SF3B1: variants seen among roughly 807,000 people sequenced by gnomAD.
The protein encoded by SF3B1 is splicing factor 3b subunit 1, also known as pre-mRNA processing 10.
In SF3B1, 12 loss-of-function variants were observed where a neutral mutation model predicts 153.8. That is an observed-to-expected ratio of 0.08 (90% CI 0.05 to 0.13). The LOEUF (loss-of-function observed/expected upper bound fraction) is 0.13, where lower values mean the gene tolerates loss of function less well. Ranked by LOEUF, SF3B1 falls within the 10% of genes least tolerant of loss-of-function variation. The pLI, the probability that SF3B1 is intolerant of heterozygous loss-of-function variation, is 1.00. For synonymous variants in SF3B1, 498 were observed against 525.2 expected, an observed-to-expected ratio of 0.95 and a Z score of 0.71; for missense variants, 513 against 1,606.1, an observed-to-expected ratio of 0.32 and a Z score of 11.63.
chr2:197,425,419 T>C (rs1430912237), intron 1 of SF3B1, among the ~76,000 whole-genome samples: 1 of 152,106 alleles, frequency 6.6e-6, no homozygotes, highest in African/African-American at 2.4e-5. Flanking sequence ...TAAGTCGAGA[T>C]CACGCCATTG....
rs1458325867 is a variant in SF3B1, at chr2:197,400,670, C to T, written c.2718+45G>A. 5 of 1,400,546 alleles carry T rather than the reference C, an allele frequency of 3.6e-6. No individual in the cohort carries two copies. Among genetic ancestry groups the T allele is most frequent in the East Asian group, 2.3e-5 (1 of 43,674 alleles). 86.8% of individuals were successfully genotyped at this position (1,400,546 alleles called of 1,614,324 possible). ...GCTTGACAACTAATATGCTTTTCTACAAATATTAAAGTTAGTAGCAATGTG... is the reference window on the plus strand; with the variant it reads ...GCTTGACAACTAATATGCTTTTCTATAAATATTAAAGTTAGTAGCAATGTG... On this transcript the variant is annotated intron_variant, in intron 18 of 24. Transcript: ENST00000335508. The surrounding 1 kb of genome is among the most constrained non-coding windows in gnomAD (Gnocchi z 5.0).
At chr2:197,422,926 T>A (rs577748286) in intron 2 of SF3B1, among the ~76,000 whole-genome samples, 83 of 151,850 alleles carry the variant, frequency 5.5e-4, no homozygotes, top group African/African-American at 1.8e-3. Context: ...TAAAATAAAA[T>A]TTATCTGTAA....
chr2:197,423,418 T>C (rs1365801467), intron 2 of SF3B1, among the ~76,000 whole-genome samples: 1 of 148,630 alleles, frequency 6.7e-6, no homozygotes, highest in Non-Finnish European at 1.5e-5. Flanking sequence ...CACATTAAGA[T>C]ACCAAGAGGA....
At position 197,425,019 on chromosome 2, in the gene SF3B1, TGTA is replaced by T. The variant is rs2085311110; in HGVS notation, c.29-1048_29-1046del. On this transcript the variant is annotated intron_variant, in intron 1 of 24. Coordinates refer to ENST00000335508, the MANE Select transcript of SF3B1 (RefSeq NM_012433.4). ...CAGTAAAAATACAAAGTTAGCCAGG[TGTA>T]ATGGCGCACGCCTCTAGTCCCAGCT... Among the ~76,000 whole-genome samples, 8 of 151,852 alleles carry T rather than the reference TGTA, an allele frequency of 5.3e-5. No individual in the cohort carries two copies. In the South Asian group the frequency reaches 1.7e-3, roughly 31 times the overall value.
chr2:197,393,339 C>A, intron 23 of SF3B1, 151 bp from the exon 24 acceptor site: 1 of 624,696 alleles, frequency 1.6e-6, no homozygotes, highest in South Asian at 2.0e-5. Flanking sequence ...GATGTGAAGT[C>A]ATCTAACATT....
At chr2:197,415,251 A>T (rs573989673) in intron 6 of SF3B1, among the ~76,000 whole-genome samples, 5 of 151,142 alleles carry the variant, frequency 3.3e-5, no homozygotes, top group South Asian at 4.2e-4. Context: ...AGTAGCTTTA[A>T]TTATTTATTT....
Position 197,409,753 on chromosome 2 carries a change from T to C in SF3B1, c.904+17A>G. On this transcript the variant is annotated intron_variant, in intron 7 of 24. Transcript: ENST00000335508. ...ACTCAACATTTCACCCACACACCCATACTCCACTAGAAGTACCTCTCTCTG... is the reference window on the plus strand; with the variant it reads ...ACTCAACATTTCACCCACACACCCACACTCCACTAGAAGTACCTCTCTCTG... 6.4e-7 allele frequency: 1 copy of C among 1,572,340 alleles called. No individual in the cohort carries two copies. Among genetic ancestry groups the C allele is most frequent in the South Asian group, 1.1e-5 (1 of 90,188 alleles).
At chr2:197,408,327 T>G in intron 8 of SF3B1, 42 bp downstream of exon 8, 1 of 1,571,474 alleles carries the variant, frequency 6.4e-7, no homozygotes, top group East Asian at 2.2e-5. Flanking sequence ...ATTAAATAAT[T>G]TATGGAGAAA....
At chr2:197,423,717 C>T in intron 2 of SF3B1, 91 bp downstream of exon 2, 1 of 1,274,138 alleles carries the variant, frequency 7.8e-7, no homozygotes, top group Non-Finnish European at 1.1e-6. Flanking sequence ...AATGTTTCTC[C>T]AGATTAAACC....
chr2:197,416,125 CA>C (rs1026277934), intron 6 of SF3B1, among the ~76,000 whole-genome samples: 54 of 145,766 alleles, frequency 3.7e-4, no homozygotes, highest in African/African-American at 1.3e-3. Flanking sequence ...GCCTCCAAAA[CA>C]AATGTTTAAA....
intron 1 of SF3B1, among the ~76,000 whole-genome samples, chr2:197,428,324 A>G (rs1219645099): frequency 6.6e-6 from 1 of 152,066 alleles, no homozygotes; most frequent in Non-Finnish European, 1.5e-5. Flanking sequence ...TTGCCTCTAA[A>G]TAAGTAAGTA....
At position 197,396,083 on chromosome 2, in the gene SF3B1, G is replaced by A. The variant is rs2084871991; in HGVS notation, c.3512C>T (p.Pro1171Leu). The change falls in exon 23 of 25, where the codon CCG becomes CTG. Residue 1171 changes from proline (P) to leucine (L), a missense_variant. Pro to Leu is a moderately conservative substitution (Grantham distance 98). Coordinates refer to ENST00000335508, the MANE Select transcript of SF3B1 (RefSeq NM_012433.4). ...MGKDYIYAVTPLLEDALMDRD... is the reference protein window; with the variant it reads ...MGKDYIYAVTLLLEDALMDRD... ...ATCCATTAAAGCATCTTCAAGTAAC[G>A]GTGTTACGGCATAAATGTAGTCTTT... The A allele has an allele frequency of 1.9e-6, 3 of 1,612,816 alleles. No homozygotes were observed. Among genetic ancestry groups the A allele is most frequent in the Admixed American group, 1.7e-5 (1 of 59,968 alleles).
chr2:197,403,050 AG>A lies in SF3B1; in HGVS notation c.1720-16del, dbSNP rs771966882. The A allele has an allele frequency of 1.6e-5, 25 of 1,578,630 alleles. No homozygotes were observed. Among genetic ancestry groups the A allele is most frequent in the Non-Finnish European group, 2.1e-5 (24 of 1,149,782 alleles). ...ACCACGAGGATCTGAAAAAGAGAAA[AG>A]AGAAGAAGCTACACTTTCACATCAA... On this transcript the variant is annotated splice_polypyrimidine_tract_variant and intron_variant, in intron 12 of 24. Coordinates refer to ENST00000335508, the MANE Select transcript of SF3B1 (RefSeq NM_012433.4).
rs372177269 is a variant in SF3B1, at chr2:197,401,544, G to T, written c.2371-19C>A. On this transcript the variant is annotated intron_variant, in intron 16 of 24. Coordinates refer to ENST00000335508, the MANE Select transcript of SF3B1 (RefSeq NM_012433.4). The surrounding 1 kb of genome is among the most constrained non-coding windows in gnomAD (Gnocchi z 4.2). ...TTACCACCTAAAAGGTTAAGAAATA[G>T]TAATAATAAATCAACTGACCTGAAA... The T allele has an allele frequency of 4.9e-5, 79 of 1,602,764 alleles. No individual in the cohort carries two copies. Among genetic ancestry groups the T allele is most frequent in the Non-Finnish European group, 6.1e-5 (72 of 1,174,370 alleles).
chr2:197,416,524 C>A, intron 6 of SF3B1: 2 of 452,818 alleles, frequency 4.4e-6, no homozygotes, highest in Non-Finnish European at 7.9e-6. Flanking sequence ...CAGAGAAAGG[C>A]CATGTGAGGA....
intron 1 of SF3B1, among the ~76,000 whole-genome samples, chr2:197,427,899 A>C (rs2085360154): frequency 6.6e-6 from 1 of 152,030 alleles, no homozygotes; most frequent in African/African-American, 2.4e-5. Context: ...GGTGCCTGGA[A>C]TCCCAGCTAC....
chr2:197,422,710 G>A (rs1433154191), intron 2 of SF3B1, among the ~76,000 whole-genome samples: 2 of 151,844 alleles, frequency 1.3e-5, no homozygotes, highest in East Asian at 1.9e-4. Context: ...CTAACACGGT[G>A]AAACCCCGTC....
intron 11 of SF3B1, among the ~76,000 whole-genome samples, chr2:197,404,346 G>A (rs1004235247): frequency 2.6e-5 from 4 of 152,090 alleles, no homozygotes; most frequent in East Asian, 1.9e-4. Flanking sequence ...TTGGGAGACC[G>A]AGGCAGGTTA....
intron 12 of SF3B1, 51 bp downstream of exon 12, chr2:197,403,533 CT>C: frequency 8.1e-7 from 1 of 1,236,392 alleles, no homozygotes; most frequent in Non-Finnish European, 1.1e-6. Flanking sequence ...CATTGATTAA[CT>C]GAAAAAGTTA....
Sources: allele counts gnomAD v4.1 joint callset (sites outside exome capture counted in the v4.1 genomes callset), GRCh38; gene constraint gnomAD v4.1.1; non-coding constraint Gnocchi (gnomAD v3.1); transcripts MANE v1.5; gene names NCBI Gene and HGNC (gene_info 2026-07-23, HGNC 2026-07-21).